The following COL14A1 variants were observed in gnomAD, a reference collection of about 807,000 sequenced individuals.
COL14A1 encodes the protein collagen type XIV alpha 1 chain.
A neutral mutation model predicts 230.3 loss-of-function variants in COL14A1; 136 were observed. The observed-to-expected ratio is 0.59, with a 90% CI of 0.51 to 0.68. The LOEUF is 0.68. Among genes scored for constraint, COL14A1 ranks in the 30% least tolerant of loss-of-function variants. The pLI is 0.00. For missense variants in COL14A1, 1,976 were observed against 2,215.8 expected, an observed-to-expected ratio of 0.89 and a Z score of 2.17; for synonymous variants, 792 against 784.1, an observed-to-expected ratio of 1.01 and a Z score of -0.17.
intron 21 of COL14A1, 152 bp from the exon 22 acceptor site, chr8:120,250,465 G>C (rs574755072): frequency 2.6e-6 from 2 of 774,016 alleles, no homozygotes; most frequent in East Asian, 5.3e-5. Context: ...TTTAGAGCTA[G>C]ATGAGACCAG....
intron 14 of COL14A1, among the ~76,000 whole-genome samples, chr8:120,217,393 A>C (rs563702296): frequency 1.3e-5 from 2 of 152,296 alleles, no homozygotes; most frequent in East Asian, 3.9e-4. Context: ...CAAAACAGCG[A>C]GGTTATTTTT....
At chr8:120,280,203 C>T (rs1360129268) in intron 29 of COL14A1, 104 bp downstream of exon 29, 1 of 1,292,182 alleles carries the variant, frequency 7.7e-7, no homozygotes, top group Non-Finnish European at 1.1e-6. Flanking sequence ...AGAATATTGA[C>T]TTCCAGTACT....
At chr8:120,161,481 A>G (rs1255126597) in intron 3 of COL14A1, among the ~76,000 whole-genome samples, 3 of 152,216 alleles carry the variant, frequency 2.0e-5, no homozygotes, top group African/African-American at 7.2e-5. Flanking sequence ...AAATCTTTTC[A>G]TGAACCAAGC....
rs572601652 is a variant in COL14A1 at position 120,175,796 on chromosome 8, T to C, written c.436+7549T>C. Among the ~76,000 whole-genome samples the C allele has an allele frequency of 1.1e-4, 16 of 152,358 alleles. No individual in the cohort carries two copies. In the South Asian group the frequency reaches 3.3e-3, roughly 32 times the overall value. On this transcript the variant is annotated intron_variant, in intron 5 of 47. Coordinates refer to ENST00000297848, the MANE Select transcript of COL14A1 (RefSeq NM_021110.4). ...TTAGAATGTTTAAAATTTTTGAATG[T>C]GTTGGCACACAATCCTTCACTAAAC...
chr8:120,249,093 ATTTTTT>A (rs773091250), intron 21 of COL14A1, among the ~76,000 whole-genome samples: 1 of 127,900 alleles, frequency 7.8e-6, no homozygotes, highest in South Asian at 2.7e-4. Flanking sequence ...CGCCCGGCTA[ATTTTTT>A]TTTTTTTTTT....
chr8:120,126,354 G>A (rs1814335929), intron 1 of COL14A1, among the ~76,000 whole-genome samples: 1 of 152,238 alleles, frequency 6.6e-6, no homozygotes, highest in Non-Finnish European at 1.5e-5. Flanking sequence ...GAGGGTTTTG[G>A]ACCTGTCCTT....
chr8:120,300,913 C>A, intron 36 of COL14A1, 95 bp downstream of exon 36: 1 of 908,834 alleles, frequency 1.1e-6, no homozygotes, highest in Non-Finnish European at 1.7e-6. Context: ...TACTAAATGG[C>A]TATTACTCAC....
chr8:120,155,575 T>C (rs4871045), intron 2 of COL14A1, among the ~76,000 whole-genome samples: 125,783 of 152,082 alleles, frequency 0.83, 52,515 homozygotes, highest in African/African-American at 0.95. Context: ...GAATCAATGA[T>C]TCTCTTGGAA....
chr8:120,223,305 A>G (rs1045727301), intron 14 of COL14A1, among the ~76,000 whole-genome samples: 3 of 152,226 alleles, frequency 2.0e-5, no homozygotes, highest in African/African-American at 7.2e-5. Context: ...GCAAACACAT[A>G]CAGTGTTGAG....
intron 4 of COL14A1, among the ~76,000 whole-genome samples, chr8:120,165,285 A>G (rs4601361): frequency 0.62 from 93,890 of 152,184 alleles, 31,923 homozygotes; most frequent in Non-Finnish European, 0.75. Context: ...GGTGATCAAG[A>G]TAAAGCCTTG....
At chr8:120,266,454 T>C (rs1323651299) in intron 24 of COL14A1, among the ~76,000 whole-genome samples, 1 of 152,026 alleles carries the variant, frequency 6.6e-6, no homozygotes, top group Non-Finnish European at 1.5e-5. Context: ...TGATGGTGAA[T>C]CCTTAGGCAG....
At chr8:120,281,173 T>C in intron 31 of COL14A1, 114 bp downstream of exon 31, 1 of 959,712 alleles carries the variant, frequency 1.0e-6, no homozygotes, top group South Asian at 2.1e-5. Context: ...TTCCACGACA[T>C]TTAGAGTAGA....
At chr8:120,163,727 C>T (rs1298039741) in intron 4 of COL14A1, among the ~76,000 whole-genome samples, 2 of 152,090 alleles carry the variant, frequency 1.3e-5, no homozygotes, top group Non-Finnish European at 2.9e-5. Context: ...TGCGCCATCG[C>T]CCTCCAGCCT....
intron 23 of COL14A1, among the ~76,000 whole-genome samples, chr8:120,255,693 C>A (rs1459290575): frequency 6.6e-6 from 1 of 152,068 alleles, no homozygotes; most frequent in Non-Finnish European, 1.5e-5. Context: ...AGCCAGATAG[C>A]CAAGACTAGC....
chr8:120,128,228 CGTGTGTGTGTGTGTGT>C (rs33988612), intron 1 of COL14A1, among the ~76,000 whole-genome samples: 3 of 146,684 alleles, frequency 2.0e-5, no homozygotes, highest in South Asian at 2.2e-4. Context: ...TGTGCGCGCG[CGTGTGTGTGTGTGTGT>C]GTGTGTGTGT....
intron 10 of COL14A1, among the ~76,000 whole-genome samples, chr8:120,207,991 T>C (rs1019370322): frequency 4.6e-5 from 7 of 152,192 alleles, no homozygotes; most frequent in Admixed American, 3.3e-4. Flanking sequence ...TAGCCTGGTA[T>C]TGACACAATT....
chr8:120,370,498 G>A, intron 47 of COL14A1: 1 of 1,500,110 alleles, frequency 6.7e-7, no homozygotes, highest in Non-Finnish European at 8.9e-7. Context: ...TGCTTCTTCT[G>A]CATCCCTGCC....
At chr8:120,334,585 A>AACACACACAC (rs3054171) in intron 42 of COL14A1, among the ~76,000 whole-genome samples, 5,723 of 144,722 alleles carry the variant, frequency 0.04, 133 homozygotes, top group African/African-American at 0.049. Flanking sequence ...CACACACAAA[A>AACACACACAC]ACACACACAC....
chr8:120,224,352 A>G (rs1002660582), intron 14 of COL14A1, among the ~76,000 whole-genome samples: 3 of 152,164 alleles, frequency 2.0e-5, no homozygotes, highest in Admixed American at 6.5e-5. Flanking sequence ...TGCTAACACA[A>G]TGCTGGTTAA....
Sources: allele counts gnomAD v4.1 joint callset (sites outside exome capture counted in the v4.1 genomes callset), GRCh38; gene constraint gnomAD v4.1.1; transcripts MANE v1.5; gene names NCBI Gene and HGNC (gene_info 2026-07-23, HGNC 2026-07-21).